ZNF442: variants seen among roughly 807,000 people sequenced by gnomAD.
ZNF442 encodes the protein zinc finger protein 442.
A neutral mutation model predicts 57.0 loss-of-function variants in ZNF442; 45 were observed. The observed-to-expected ratio is 0.79, with a 90% CI of 0.62 to 1.01. ZNF442 has a LOEUF of 1.01. Ranked by LOEUF, ZNF442 falls within the 50% of genes least tolerant of loss-of-function variation. The pLI is 0.00. For missense variants in ZNF442, 690 were observed against 756.5 expected, an observed-to-expected ratio of 0.91 and a Z score of 1.03; for synonymous variants, 213 against 241.8, an observed-to-expected ratio of 0.88 and a Z score of 1.10.
chr19:12,362,974 T>C (rs1969462126), intron 3 of ZNF442, among the ~76,000 whole-genome samples: 1 of 150,350 alleles, frequency 6.7e-6, no homozygotes, highest in African/African-American at 2.5e-5. Flanking sequence ...AAACCCCGTC[T>C]CTACTAAAAA....
intron 3 of ZNF442, among the ~76,000 whole-genome samples, chr19:12,356,808 T>A (rs2144828541): frequency 6.6e-6 from 1 of 152,230 alleles, no homozygotes; most frequent in Non-Finnish European, 1.5e-5. Context: ...TTACAAGGCA[T>A]AAACACACAC....
chr19:12,351,369 AT>A, intron 5 of ZNF442, 51 bp from the exon 6 acceptor site: 1 of 1,508,912 alleles, frequency 6.6e-7, no homozygotes, highest in Non-Finnish European at 8.9e-7. Flanking sequence ...AAATGACTTT[AT>A]GTTTATTAGT....
chr19:12,351,316 C>T lies in ZNF442; in HGVS notation c.269G>A (p.Cys90Tyr), dbSNP rs376756721. The T allele has an allele frequency of 6.2e-7, 1 of 1,607,674 alleles. No homozygotes were observed. Among genetic ancestry groups the T allele is most frequent in the Non-Finnish European group, 8.5e-7 (1 of 1,176,468 alleles). Residue 90 changes from cysteine to tyrosine, a missense_variant and splice_region_variant, in exon 6 of 6, where the codon TGT (cysteine) becomes TAT (tyrosine). Cys to Tyr is a radical substitution (Grantham distance 194). Coordinates refer to ENST00000242804, the MANE Select transcript of ZNF442 (RefSeq NM_030824.3). ...TTCACTAAATCTCTCTATGATATGA[C>T]ATCTGTAAAACATGAGAAGTATATT... is the stretch of plus-strand genomic sequence containing the variant. ...QHRNPRRSLR[C>Y]HIIERFSESR...
At position 12,350,432 on chromosome 19, in the gene ZNF442, C is replaced by T. The variant is rs750928971; in HGVS notation, c.1153G>A (p.Ala385Thr). The T allele has an allele frequency of 1.9e-6, 3 of 1,613,764 alleles. No homozygotes were observed. Among genetic ancestry groups the T allele is most frequent in the South Asian group, 2.2e-5 (2 of 91,086 alleles). Residue 385 changes from alanine (A) to threonine (T), a missense_variant, in exon 6 of 6, where the codon GCG becomes ACG. By Grantham distance (58) the Ala-to-Thr change is moderately conservative. Transcript: ENST00000242804. ...KPYECKQCGK[A>T]LSHHSSFRSH... ...CGAAAGCTTGAGTGATGAGATAACGCTTTCCCACACTGCTTGCATTCATAG... is the reference window on the plus strand; with the variant it reads ...CGAAAGCTTGAGTGATGAGATAACGTTTTCCCACACTGCTTGCATTCATAG...
At chr19:12,368,264 G>A (rs1464729516), upstream of ZNF442, among the ~76,000 whole-genome samples, 1 of 152,088 alleles carries the variant, frequency 6.6e-6, no homozygotes, top group African/African-American at 2.4e-5. Context: ...AGCTTACGAA[G>A]ATAACAGGAT....
intron 3 of ZNF442, among the ~76,000 whole-genome samples, chr19:12,356,908 T>C (rs965171021): frequency 3.3e-5 from 5 of 152,172 alleles, no homozygotes; most frequent in Non-Finnish European, 7.3e-5. Flanking sequence ...AACAATTTTT[T>C]CCCAATGAAT....
chr19:12,359,368 A>T (rs1161066295), intron 3 of ZNF442, among the ~76,000 whole-genome samples: 1 of 152,182 alleles, frequency 6.6e-6, no homozygotes, highest in Non-Finnish European at 1.5e-5. Flanking sequence ...TGTTCTGGAC[A>T]AGCAGCCGTA....
chr19:12,353,142 TA>T, intron 3 of ZNF442, 28 bp from the exon 4 acceptor site: 10 of 1,585,844 alleles, frequency 6.3e-6, no homozygotes, highest in Non-Finnish European at 8.5e-6. Flanking sequence ...TACAAAGGAG[TA>T]AGGCTGAGAC....
upstream of ZNF442, among the ~76,000 whole-genome samples, chr19:12,370,166 G>A (rs1276302279): frequency 1.3e-5 from 2 of 151,474 alleles, no homozygotes; most frequent in Admixed American, 6.6e-5. Flanking sequence ...CCATACTATA[G>A]AATCAGTGGG....
chr19:12,369,564 G>GCTGAGATCGTGT (rs1969564680), upstream of ZNF442, among the ~76,000 whole-genome samples: 1 of 151,362 alleles, frequency 6.6e-6, no homozygotes. Flanking sequence ...GTTGCAGTGA[G>GCTGAGATCGTGT]CACTCCAGCC....
chr19:12,352,102 A>T (rs1478916408), intron 4 of ZNF442, 32 bp from the exon 5 acceptor site: 2 of 1,591,756 alleles, frequency 1.3e-6, no homozygotes, highest in African/African-American at 2.7e-5. Flanking sequence ...AACACTGTAG[A>T]TTATTATAAA....
At chr19:12,364,614 G>A (rs1470154447) in intron 2 of ZNF442, among the ~76,000 whole-genome samples, 188 bp downstream of exon 2, 2 of 151,932 alleles carry the variant, frequency 1.3e-5, no homozygotes, top group African/African-American at 4.8e-5. Context: ...CCTAGGAGGA[G>A]TTAGAATGAG....
Position 12,365,522 on chromosome 19 carries a change from C to T in ZNF442, c.-483+11G>A. The T allele has an allele frequency of 3.5e-6, 2 of 571,996 alleles. No homozygotes were observed. Among genetic ancestry groups the T allele is most frequent in the Admixed American group, 2.7e-5 (1 of 37,266 alleles). The allele number at this position is 571,996 out of a possible 1,614,324, so 35.4% of individuals were successfully genotyped here. A position where few individuals can be genotyped will look rare whatever the true frequency, so the allele number is the denominator to read the frequency against. On this transcript the variant is annotated intron_variant, in intron 1 of 5. Coordinates refer to ENST00000242804, the MANE Select transcript of ZNF442 (RefSeq NM_030824.3). ...CGCCCTGCCCCAGGACGCCGGGCCCCGCACACTCACCATTTCCCGGCTTCC... is the reference window on the plus strand; with the variant it reads ...CGCCCTGCCCCAGGACGCCGGGCCCTGCACACTCACCATTTCCCGGCTTCC...
chr19:12,368,575 C>T (rs1388064294), upstream of ZNF442, among the ~76,000 whole-genome samples: 1 of 152,168 alleles, frequency 6.6e-6, no homozygotes, highest in Non-Finnish European at 1.5e-5. Context: ...GAAGTCCCTT[C>T]ACCAAATGGG....
intron 3 of ZNF442, among the ~76,000 whole-genome samples, chr19:12,361,621 A>G (rs1381784029): frequency 9.6e-5 from 13 of 135,564 alleles, no homozygotes; most frequent in African/African-American, 1.5e-4. Flanking sequence ...AGACTGGGGG[A>G]AAAAAAAAGT....
Position 12,349,679 on chromosome 19 carries a change from A to G in ZNF442, c.*22T>C, listed in dbSNP as rs1162629969. ...TTTCACGTTTCTGAAATGAAATAAA[A>G]TTAATGAATGCTTTTCCACATTTAT... On this transcript the variant is annotated 3_prime_UTR_variant, in exon 6 of 6. Transcript: ENST00000242804. 1 of 1,562,010 alleles carries G rather than the reference A, an allele frequency of 6.4e-7. No homozygotes were observed. Among genetic ancestry groups the G allele is most frequent in the Non-Finnish European group, 8.6e-7 (1 of 1,157,134 alleles).
the ZNF442 span, among the ~76,000 whole-genome samples, chr19:12,371,077 A>G: frequency 6.6e-6 from 1 of 152,186 alleles, no homozygotes; most frequent in Non-Finnish European, 1.5e-5. Flanking sequence ...GCCCAGTAAC[A>G]AAAGTACCAG....
intron 4 of ZNF442, 111 bp downstream of exon 4, chr19:12,352,877 G>C: frequency 7.5e-7 from 1 of 1,337,722 alleles, no homozygotes; most frequent in Non-Finnish European, 1.0e-6. Flanking sequence ...ACCCTGTGTT[G>C]TTGAAGGGTC....
chr19:12,362,648 C>T lies in ZNF442; in HGVS notation c.78+906G>A, dbSNP rs567654164. Among the ~76,000 whole-genome samples, 25 of 137,834 alleles carry T rather than the reference C, an allele frequency of 1.8e-4. No homozygotes were observed. The East Asian group carries it at 2.8e-3, about 15-fold the overall frequency. The allele number at this position is 137,834 out of a possible 152,430, so 90.4% of individuals were successfully genotyped here. On this transcript the variant is annotated intron_variant, in intron 3 of 5. Transcript: ENST00000242804. ...CCGGGAGGTGGGGGGCGCCTCTGCC[C>T]GGCCGCCCCGTCTGGGAGGTGGGGG...
Sources: allele counts gnomAD v4.1 joint callset (sites outside exome capture counted in the v4.1 genomes callset), GRCh38; gene constraint gnomAD v4.1.1; transcripts MANE v1.5; gene names NCBI Gene and HGNC (gene_info 2026-07-23, HGNC 2026-07-21).